The following MDGA1 variants were observed in gnomAD, a reference collection of about 807,000 sequenced individuals.
The protein encoded by MDGA1 is MAM domain containing glycosylphosphatidylinositol anchor 1, also known as MAM domain-containing glycosylphosphatidylinositol anchor protein 1.
MDGA1 carries 54 observed loss-of-function variants against 101.5 expected under a neutral mutation model. That is an observed-to-expected ratio of 0.53 (90% CI 0.43 to 0.67). The LOEUF (loss-of-function observed/expected upper bound fraction) is 0.67, where lower values mean the gene tolerates loss of function less well. MDGA1 is among the 30% of genes least tolerant of loss of function. The pLI, the probability that MDGA1 is intolerant of heterozygous loss-of-function variation, is 0.00. For missense variants in MDGA1, 1,083 were observed against 1,323.8 expected (o/e 0.82, Z 2.82); for synonymous variants, 533 against 558.3 (o/e 0.95, Z 0.64).
At chr6:37,656,668 C>T (rs1030056378) in intron 3 of MDGA1, among the ~76,000 whole-genome samples, 3 of 152,192 alleles carry the variant, frequency 2.0e-5, no homozygotes, top group Non-Finnish European at 2.9e-5. Flanking sequence ...CCACTGCATC[C>T]GGCCAAGACA....
chr6:37,658,438 CAG>C lies in MDGA1; in HGVS notation c.208-21_208-20del. ...ACCGTACCTGGGCCGCCAGGCGGGG[CAG>C]AGTCAGACTGTCAGACTCACACGGG... On this transcript the variant is annotated intron_variant, in intron 2 of 16. Transcript: ENST00000434837. 1 of 1,591,226 alleles carries C rather than the reference CAG, an allele frequency of 6.3e-7. No homozygotes were observed. The highest frequency in any genetic ancestry group is 1.1e-5 in the South Asian group (1 of 88,530).
At position 37,655,377 on chromosome 6, in the gene MDGA1, G is replaced by C; in HGVS notation, c.579+323C>G. The C allele has an allele frequency of 2.9e-6, 1 of 349,156 alleles. No individual in the cohort carries two copies. 21.6% of individuals were successfully genotyped at this position (349,156 alleles called of 1,614,324 possible). On this transcript the variant is annotated intron_variant, in intron 4 of 16. Coordinates refer to ENST00000434837, the MANE Select transcript of MDGA1 (RefSeq NM_153487.4). This position sits in a 1 kb window ranked among gnomAD's most constrained non-coding sequence, Gnocchi z 5.1. ...CATCTCCTCGCCCCCAGATCCTGCT[G>C]TGCCTGGCCACAGGTTCCCAATACT...
chr6:37,646,919 C>T (rs1761215476), intron 10 of MDGA1, among the ~76,000 whole-genome samples: 1 of 152,148 alleles, frequency 6.6e-6, no homozygotes, highest in African/African-American at 2.4e-5. Context: ...CCCCCACGAA[C>T]CCAGCAGACC....
Position 37,646,140 on chromosome 6 carries a change from A to T in MDGA1, c.2224+58T>A, listed in dbSNP as rs16890019. 3.9e-3 allele frequency: 6,018 copies of T among 1,553,156 alleles called. 135 individuals are homozygous for T. The African/African-American group carries it at 0.06, about 15-fold the overall frequency. The stretch of plus-strand genomic sequence containing the variant: ...CTTAGGAACCACATGAGGATGGTGA[A>T]AGGGGTCCCTGGCCATGAGATGGGC... On this transcript the variant is annotated intron_variant, in intron 11 of 16. Transcript: ENST00000434837.
chr6:37,652,040 C>A lies in MDGA1; in HGVS notation c.1283G>T (p.Ser428Ile), dbSNP rs761336837. 1.2e-5 allele frequency: 20 copies of A among 1,606,168 alleles called. No homozygotes were observed. Among genetic ancestry groups the A allele is most frequent in the Non-Finnish European group, 1.0e-5 (12 of 1,177,100 alleles). Residue 428 changes from serine to isoleucine, a missense_variant, in exon 7 of 17, where the codon AGC (serine) becomes ATC (isoleucine). Physicochemically the swap from Ser to Ile is moderately radical, Grantham distance 142. Coordinates refer to ENST00000434837, the MANE Select transcript of MDGA1 (RefSeq NM_153487.4). The surrounding 1 kb of genome is among the most constrained non-coding windows in gnomAD (Gnocchi z 4.3). ...SFPGAPVPDL[S>I]VEVNISSETV... ...CTCAGAGGAGATGTTGACCTCGACG[C>A]TGAGGTCGGGCACGGGTGCCCCTGG... is the stretch of plus-strand genomic sequence containing the variant.
chr6:37,642,585 C>A lies in MDGA1; in HGVS notation c.2536+1224G>T, dbSNP rs76434345. 1.0e-2 allele frequency among the ~76,000 whole-genome samples: 1,516 copies of A among 152,216 alleles called. 16 individuals carry two copies. The highest frequency in any genetic ancestry group is 0.027 in the Middle Eastern group (8 of 294). On this transcript the variant is annotated intron_variant, in intron 14 of 16. Transcript: ENST00000434837. ...TGGGAGGGCGTCTGCATTATGTGCC[C>A]TTTTGTACCTTTTGGCCTTTGTGAA... is the stretch of plus-strand genomic sequence containing the variant.
rs1473189312 is a variant in MDGA1 at position 37,648,975 on chromosome 6, C to G, written c.1894+7G>C. ...GGTAGGTGGGGCGGGACCCACTGGA[C>G]GCTCACCGGAGACCTGGAAGAGGCA... On this transcript the variant is annotated splice_region_variant and intron_variant, in intron 9 of 16. Coordinates refer to ENST00000434837, the MANE Select transcript of MDGA1 (RefSeq NM_153487.4). The G allele has an allele frequency of 6.4e-7, 1 of 1,550,920 alleles. No homozygotes were observed. Among genetic ancestry groups the G allele is most frequent in the African/African-American group, 1.4e-5 (1 of 72,186 alleles).
intron 1 of MDGA1, among the ~76,000 whole-genome samples, chr6:37,690,813 G>A (rs1389948169): frequency 1.3e-5 from 2 of 148,834 alleles, no homozygotes; most frequent in East Asian, 2.0e-4. Context: ...CAGCCCTAAC[G>A]GCCCCAGTTC....
At chr6:37,686,646 C>CAA (rs1179424007) in intron 1 of MDGA1, among the ~76,000 whole-genome samples, 1 of 152,176 alleles carries the variant, frequency 6.6e-6, no homozygotes, top group East Asian at 1.9e-4. Context: ...AGGCTGGTCT[C>CAA]AAACTCCTGA....
At chr6:37,643,728 G>A (rs1764147730) in intron 14 of MDGA1, 81 bp downstream of exon 14, 2 of 1,573,374 alleles carry the variant, frequency 1.3e-6, no homozygotes, top group African/African-American at 1.3e-5. Flanking sequence ...ACATGGGCCA[G>A]CCCATCGCCT....
At chr6:37,646,400 A>C in intron 10 of MDGA1, 25 bp from the exon 11 acceptor site, 1 of 1,438,672 alleles carries the variant, frequency 7.0e-7, no homozygotes, top group South Asian at 1.6e-5. Context: ...GAGTTCCCAG[A>C]TGCCTAGGAA....
intron 14 of MDGA1, among the ~76,000 whole-genome samples, chr6:37,642,511 T>C (rs2114001993): frequency 6.6e-6 from 1 of 152,196 alleles, no homozygotes; most frequent in Admixed American, 6.5e-5. Flanking sequence ...TCTCTGAAAA[T>C]TTGCCCTAAA....
chr6:37,662,299 C>T (rs1271314651), intron 2 of MDGA1, among the ~76,000 whole-genome samples: 1 of 151,804 alleles, frequency 6.6e-6, no homozygotes, highest in Non-Finnish European at 1.5e-5. Context: ...AAGAGAAGAC[C>T]CATGCAAGAA....
At chr6:37,656,021 C>G in intron 3 of MDGA1, 125 bp from the exon 4 acceptor site, 1 of 727,716 alleles carries the variant, frequency 1.4e-6, no homozygotes, top group African/African-American at 1.8e-5. Context: ...TGCCAGATGC[C>G]CTCTCAGCCC....
Position 37,638,738 on chromosome 6 carries a change from G to A in MDGA1, c.2537-71C>T. ...ACCCTCACCTTTCCACATTTACCAA[G>A]CCCTCTTCTCCCACCATAGCCTGCA... On this transcript the variant is annotated intron_variant, in intron 14 of 16. Coordinates refer to ENST00000434837, the MANE Select transcript of MDGA1 (RefSeq NM_153487.4). This position sits in a 1 kb window ranked among gnomAD's most constrained non-coding sequence, Gnocchi z 4.8. 6.5e-7 allele frequency: 1 copy of A among 1,538,578 alleles called. No individual in the cohort carries two copies. Among genetic ancestry groups the A allele is most frequent in the Non-Finnish European group, 8.8e-7 (1 of 1,137,960 alleles).
chr6:37,682,733 G>A (rs1010794432), intron 1 of MDGA1, among the ~76,000 whole-genome samples: 3 of 152,180 alleles, frequency 2.0e-5, no homozygotes, highest in African/African-American at 4.8e-5. Flanking sequence ...GTTCTCTGCT[G>A]TATCCTCAGC....
chr6:37,638,707 CA>C lies in MDGA1; in HGVS notation c.2537-41del. 1 of 1,585,264 alleles carries C rather than the reference CA, an allele frequency of 6.3e-7. No homozygotes were observed. Among genetic ancestry groups the C allele is most frequent in the Non-Finnish European group, 8.6e-7 (1 of 1,165,040 alleles). ...AAGACAGTGGGCAGTGAGATCTGGC[CA>C]GGGCACCCTCACCTTTCCACATTTA... On this transcript the variant is annotated intron_variant, in intron 14 of 16. Transcript: ENST00000434837. The surrounding 1 kb of genome is among the most constrained non-coding windows in gnomAD (Gnocchi z 4.8).
intron 13 of MDGA1, 29 bp downstream of exon 13, chr6:37,644,468 C>T (rs773508780): frequency 4.8e-5 from 73 of 1,514,442 alleles, no homozygotes; most frequent in Non-Finnish European, 5.3e-5. Context: ...AAGCAATCCT[C>T]CATTTCTGGC....
rs747455322 is a variant in MDGA1, at chr6:37,696,226, G to A, written c.67+519C>T. Among the ~76,000 whole-genome samples the A allele has an allele frequency of 3.9e-5, 6 of 152,186 alleles. No individual in the cohort carries two copies. Among genetic ancestry groups the A allele is most frequent in the Non-Finnish European group, 7.4e-5 (5 of 68,024 alleles). ...GAAGGCGCCAGGGCCAGGGGATGCCGGCATCCTGATCAGGGTGTCAAGCCC... is the reference window on the plus strand; with the variant it reads ...GAAGGCGCCAGGGCCAGGGGATGCCAGCATCCTGATCAGGGTGTCAAGCCC... On this transcript the variant is annotated intron_variant, in intron 1 of 16. Transcript: ENST00000434837. The surrounding 1 kb of genome is among the most constrained non-coding windows in gnomAD (Gnocchi z 5.6).
Sources: allele counts gnomAD v4.1 joint callset (sites outside exome capture counted in the v4.1 genomes callset), GRCh38; gene constraint gnomAD v4.1.1; non-coding constraint Gnocchi (gnomAD v3.1); transcripts MANE v1.5; gene names NCBI Gene and HGNC (gene_info 2026-07-23, HGNC 2026-07-21).